Variants in ADAM29 observed in about 807,000 individuals in gnomAD.
The protein encoded by ADAM29 is ADAM metallopeptidase domain 29.
For missense variants in ADAM29, 969 were observed against 1,001.8 expected (o/e 0.97, Z 0.44); for synonymous variants, 367 against 342.3 (o/e 1.07, Z -0.80).
intron 4 of ADAM29, among the ~76,000 whole-genome samples, chr4:174,961,024 T>G (rs1268348053): frequency 1.3e-5 from 2 of 152,164 alleles, no homozygotes; most frequent in Non-Finnish European, 2.9e-5. Context: ...TTGTTCTGCC[T>G]TCTTGCTCCT....
intron 3 of ADAM29, 198 bp downstream of exon 3, chr4:174,931,372 A>T (rs1286725673): frequency 2.0e-5 from 3 of 152,248 alleles, no homozygotes; most frequent in African/African-American, 7.2e-5. Context: ...AATTAAAAAC[A>T]AAAGGCACAT....
At chr4:174,918,993 A>G (rs1389668667) in intron 1 of ADAM29, 1 of 152,184 alleles carries the variant, frequency 6.6e-6, no homozygotes, top group East Asian at 1.9e-4. Flanking sequence ...GTACACTGGT[A>G]ATTATGACTT....
At chr4:174,960,378 T>G (rs982435542) in intron 4 of ADAM29, among the ~76,000 whole-genome samples, 1 of 152,122 alleles carries the variant, frequency 6.6e-6, no homozygotes, top group African/African-American at 2.4e-5. Context: ...TATCATATCT[T>G]ATTATTACTT....
chr4:174,969,404 A>T (rs1746340702), intron 4 of ADAM29, among the ~76,000 whole-genome samples: 1 of 151,928 alleles, frequency 6.6e-6, no homozygotes, highest in Non-Finnish European at 1.5e-5. Flanking sequence ...CCTATTTTCA[A>T]TGTCTTCACT....
chr4:174,936,590 T>G (rs150020110), intron 3 of ADAM29, among the ~76,000 whole-genome samples: 1 of 152,112 alleles, frequency 6.6e-6, no homozygotes, highest in East Asian at 1.9e-4. Context: ...AAAAACTACC[T>G]ATGTATTTGT....
intron 4 of ADAM29, among the ~76,000 whole-genome samples, chr4:174,944,874 T>C (rs1346454850): frequency 1.3e-5 from 2 of 152,238 alleles, no homozygotes; most frequent in South Asian, 2.1e-4. Flanking sequence ...TTCTTTTTAA[T>C]GGCTGCATAG....
intron 2 of ADAM29, among the ~76,000 whole-genome samples, chr4:174,925,810 A>T (rs551652043): frequency 1.3e-5 from 2 of 152,314 alleles, no homozygotes; most frequent in East Asian, 3.9e-4. Flanking sequence ...ATTGATGATA[A>T]TAATTGCTTG....
chr4:174,938,938 C>G (rs1744357616), intron 4 of ADAM29, among the ~76,000 whole-genome samples: 1 of 152,276 alleles, frequency 6.6e-6, no homozygotes, highest in Middle Eastern at 3.4e-3. Context: ...GGCAGCATTA[C>G]TGCAGTCTTT....
At chr4:174,945,532 A>G (rs752262406) in intron 4 of ADAM29, among the ~76,000 whole-genome samples, 4 of 152,104 alleles carry the variant, frequency 2.6e-5, no homozygotes, top group Non-Finnish European at 5.9e-5. Context: ...TTTTGTTGCA[A>G]TTGCTTTTGG....
intron 3 of ADAM29, among the ~76,000 whole-genome samples, chr4:174,934,176 G>A (rs1332908930): frequency 6.6e-6 from 1 of 151,876 alleles, no homozygotes; most frequent in Non-Finnish European, 1.5e-5. Context: ...GGTGTGAGAT[G>A]GTATCTCATT....
At chr4:174,965,527 T>C (rs1307240056) in intron 4 of ADAM29, among the ~76,000 whole-genome samples, 1 of 150,886 alleles carries the variant, frequency 6.6e-6, no homozygotes, top group African/African-American at 2.4e-5. Flanking sequence ...ATCTATCATC[T>C]ATCATCTATT....
At chr4:174,956,406 C>T (rs4695986) in intron 4 of ADAM29, among the ~76,000 whole-genome samples, 63,353 of 151,254 alleles carry the variant, frequency 0.42, 13,774 homozygotes, top group African/African-American at 0.54. Context: ...TTCATTGCAG[C>T]TGTGGCATAT....
chr4:174,942,406 A>G (rs1030952514), intron 4 of ADAM29, among the ~76,000 whole-genome samples: 6 of 152,194 alleles, frequency 3.9e-5, no homozygotes, highest in African/African-American at 1.4e-4. Context: ...GGACATTTCC[A>G]TACATCATTT....
At chr4:174,957,990 T>G (rs1745602772) in intron 4 of ADAM29, among the ~76,000 whole-genome samples, 1 of 151,854 alleles carries the variant, frequency 6.6e-6, no homozygotes, top group South Asian at 2.1e-4. Context: ...TTTCTAGTCA[T>G]CTTTCTGTTA....
chr4:174,941,768 C>A (rs1744553993), intron 4 of ADAM29, among the ~76,000 whole-genome samples: 1 of 152,144 alleles, frequency 6.6e-6, no homozygotes. Context: ...CATTTTAAAA[C>A]CAATTATACC....
At chr4:174,974,412 G>C (rs1401938099) in intron 4 of ADAM29, among the ~76,000 whole-genome samples, 5 of 152,170 alleles carry the variant, frequency 3.3e-5, no homozygotes, top group African/African-American at 9.7e-5. Flanking sequence ...TCACTAGTCA[G>C]AATTTTTCTT....
At chr4:174,951,873 G>T (rs1245477231) in intron 4 of ADAM29, among the ~76,000 whole-genome samples, 1 of 152,064 alleles carries the variant, frequency 6.6e-6, no homozygotes, top group Non-Finnish European at 1.5e-5. Context: ...TATTTCAAGG[G>T]GATTGGGGAG....
At chr4:174,922,642 C>T (rs1024941622) in intron 2 of ADAM29, among the ~76,000 whole-genome samples, 10 of 152,012 alleles carry the variant, frequency 6.6e-5, no homozygotes, top group African/African-American at 1.2e-4. Context: ...GAGACCCTCA[C>T]GGCTGTGACA....
chr4:174,924,824 C>G (rs1043416534), intron 2 of ADAM29, among the ~76,000 whole-genome samples: 1 of 152,128 alleles, frequency 6.6e-6, no homozygotes, highest in African/African-American at 2.4e-5. Context: ...TCCACTTCTT[C>G]CATGTGGGCT....
Sources: allele counts gnomAD v4.1 joint callset (sites outside exome capture counted in the v4.1 genomes callset), GRCh38; gene constraint gnomAD v4.1.1; transcripts MANE v1.5; gene names NCBI Gene and HGNC (gene_info 2026-07-23, HGNC 2026-07-21).